PTPRB: variants seen among roughly 807,000 people sequenced by gnomAD.
The protein encoded by PTPRB is receptor-type tyrosine-protein phosphatase beta.
A neutral mutation model predicts 238.1 loss-of-function variants in PTPRB; 97 were observed. The ratio of observed to expected loss-of-function variants is 0.41; its 90% CI spans 0.35 to 0.48. The LOEUF is 0.48. Ranked by LOEUF, PTPRB falls within the 20% of genes least tolerant of loss-of-function variation. The pLI is 0.30. For synonymous variants in PTPRB, 970 were observed against 995.4 expected (o/e 0.97, Z 0.48); for missense variants, 2,292 against 2,681.9 (o/e 0.85, Z 3.21).
intron 32 of PTPRB, among the ~76,000 whole-genome samples, chr12:70,527,279 T>C (rs979598297): frequency 6.6e-6 from 1 of 152,158 alleles, no homozygotes; most frequent in African/African-American, 2.4e-5. Context: ...GCCATTAGGC[T>C]CACTTTGAGG....
intron 3 of PTPRB, among the ~76,000 whole-genome samples, chr12:70,614,419 T>A (rs1329096936): frequency 6.6e-6 from 1 of 152,136 alleles, no homozygotes; most frequent in Non-Finnish European, 1.5e-5. Flanking sequence ...TTAGAATGTA[T>A]TACTTAAGTG....
chr12:70,522,556 G>A (rs950969568), intron 33 of PTPRB: 1 of 152,152 alleles, frequency 6.6e-6, no homozygotes, highest in African/African-American at 2.4e-5. Flanking sequence ...TCTTCACGAT[G>A]GCCCAGAGTA....
At chr12:70,530,960 C>G (rs534631994) in intron 32 of PTPRB, among the ~76,000 whole-genome samples, 6 of 152,180 alleles carry the variant, frequency 3.9e-5, no homozygotes, top group Non-Finnish European at 8.8e-5. Flanking sequence ...TGAAAGTACT[C>G]CCAGCCCAGG....
chr12:70,521,278 A>G lies in PTPRB; in HGVS notation c.*211T>C. 2 of 417,190 alleles carry G rather than the reference A, an allele frequency of 4.8e-6. No individual in the cohort carries two copies. The highest frequency in any genetic ancestry group is 6.2e-4 in the Middle Eastern group (1 of 1,606). 25.8% of individuals were successfully genotyped at this position (417,190 alleles called of 1,614,324 possible). A position where few individuals can be genotyped will look rare whatever the true frequency, so the allele number is the denominator to read the frequency against. On this transcript the variant is annotated 3_prime_UTR_variant, in exon 34 of 34. Transcript: ENST00000334414. ...AGCTTAATATTAAACATTATGAAAA[A>G]TACATATTTACAGAAGAAACTACAA...
At chr12:70,609,372 C>A in intron 3 of PTPRB, 33 bp from the exon 4 acceptor site, 1 of 1,604,354 alleles carries the variant, frequency 6.2e-7, no homozygotes, top group Middle Eastern at 1.8e-4. Context: ...AGTTTAAGTC[C>A]ACAGTCTGGA....
chr12:70,580,905 CT>C (rs946005442), intron 10 of PTPRB, 130 bp downstream of exon 10: 49 of 1,024,752 alleles, frequency 4.8e-5, no homozygotes, highest in Admixed American at 1.2e-4. Flanking sequence ...GGATGGCTAG[CT>C]TTTGTGAAAC....
At position 70,532,046 on chromosome 12, in the gene PTPRB, C is replaced by T; in HGVS notation, c.6493G>A (p.Val2165Ile). The T allele has an allele frequency of 6.2e-7, 1 of 1,613,872 alleles. No homozygotes were observed. The highest frequency in any genetic ancestry group is 8.5e-7 in the Non-Finnish European group (1 of 1,179,874). The change falls in exon 32 of 34, where the codon GTC (valine) becomes ATC (isoleucine). Residue 2165 changes from valine (V) to isoleucine (I), a missense_variant. Transcript: ENST00000334414. ...TCTATAACTCTTACCTCAGTCTGGA[C>T]CATGTGAACCCTGTGAAGTCTTAGG... ...HDLRLHRVHM[V>I]QTECQYVYLH...
At chr12:70,630,611 A>C (rs1885408015) in intron 2 of PTPRB, among the ~76,000 whole-genome samples, 1 of 152,218 alleles carries the variant, frequency 6.6e-6, no homozygotes, top group African/African-American at 2.4e-5. Context: ...TTCGATTAGG[A>C]AAAGAGGAAA....
chr12:70,625,415 T>G (rs927949306), intron 2 of PTPRB, among the ~76,000 whole-genome samples: 1 of 152,148 alleles, frequency 6.6e-6, no homozygotes, highest in African/African-American at 2.4e-5. Flanking sequence ...CTAATATACA[T>G]GTACGTATAT....
chr12:70,635,921 C>T lies in PTPRB; in HGVS notation c.201G>A (p.Leu67=), dbSNP rs755710962. 1 of 1,613,762 alleles carries T rather than the reference C, an allele frequency of 6.2e-7. No individual in the cohort carries two copies. Among genetic ancestry groups the T allele is most frequent in the South Asian group, 1.1e-5 (1 of 91,034 alleles). ...GGGAAGAGTTGGAGATGGCCAAGCACAGTGCAGATTTAACATGAAGGAGCT... is the reference window on the plus strand; with the variant it reads ...GGGAAGAGTTGGAGATGGCCAAGCATAGTGCAGATTTAACATGAAGGAGCT... ...DEKLLHVKSA[L]CLAISNSSRG... is the part of the protein sequence containing the mutation. The change falls in exon 2 of 34, where the codon CTG becomes CTA. Residue 67 remains leucine (L), a synonymous_variant. Coordinates refer to ENST00000334414, the MANE Select transcript of PTPRB (RefSeq NM_001109754.4).
intron 14 of PTPRB, among the ~76,000 whole-genome samples, chr12:70,567,911 G>A (rs568963193): frequency 2.0e-5 from 3 of 152,134 alleles, no homozygotes; most frequent in Middle Eastern, 3.4e-3. Flanking sequence ...GGCTGGTCTC[G>A]AACTCCTGGA....
rs1400276568 is a variant in PTPRB at position 70,540,243 on chromosome 12, C to G, written c.5595-221G>C. 24 of 462,792 alleles carry G rather than the reference C, an allele frequency of 5.2e-5. No individual in the cohort carries two copies. In the East Asian group the frequency reaches 7.2e-4, roughly 14 times the overall value. 28.7% of individuals were successfully genotyped at this position (462,792 alleles called of 1,614,324 possible). A position where few individuals can be genotyped will look rare whatever the true frequency, so the allele number is the denominator to read the frequency against. On this transcript the variant is annotated intron_variant, in intron 23 of 33. Coordinates refer to ENST00000334414, the MANE Select transcript of PTPRB (RefSeq NM_001109754.4). ...CTCTGCAAAAACTGAAGATTTGTCT[C>G]CTGGTTTTTGGCTACAGGTTATAAT...
intron 32 of PTPRB, among the ~76,000 whole-genome samples, chr12:70,530,523 C>T (rs1158643687): frequency 1.3e-5 from 2 of 151,614 alleles, no homozygotes; most frequent in Non-Finnish European, 3.0e-5. Context: ...CACGTGTACA[C>T]ATACATATGT....
At chr12:70,576,333 C>T (rs1880680991) in intron 11 of PTPRB, 49 bp downstream of exon 11, 1 of 1,581,216 alleles carries the variant, frequency 6.3e-7, no homozygotes, top group African/African-American at 1.3e-5. Flanking sequence ...TGCCCTGAGC[C>T]ACATGTGAAT....
intron 3 of PTPRB, among the ~76,000 whole-genome samples, chr12:70,612,957 A>G (rs1884524887): frequency 6.6e-6 from 1 of 152,210 alleles, no homozygotes; most frequent in African/African-American, 2.4e-5. Context: ...ACTGCACTCC[A>G]GCCTCGGCAA....
At chr12:70,539,872 C>CTTTG (rs760495310) in intron 24 of PTPRB, 28 bp from the exon 25 acceptor site, 1 of 1,576,264 alleles carries the variant, frequency 6.3e-7, no homozygotes, top group South Asian at 1.1e-5. Context: ...AAGAGGAAGA[C>CTTTG]TTTGTTAGCA....
In PTPRB at chr12:70,520,878, A is replaced by G. The variant is rs1185080862; in HGVS notation, c.*611T>C. The G allele has an allele frequency of 1.3e-5, 2 of 152,512 alleles. No homozygotes were observed. The highest frequency in any genetic ancestry group is 3.9e-4 in the East Asian group (2 of 5,180). The allele number at this position is 152,512 out of a possible 1,614,324, so 9.4% of individuals were successfully genotyped here. A position where few individuals can be genotyped will look rare whatever the true frequency, so the allele number is the denominator to read the frequency against. On this transcript the variant is annotated 3_prime_UTR_variant, in exon 34 of 34. Coordinates refer to ENST00000334414, the MANE Select transcript of PTPRB (RefSeq NM_001109754.4). ...CTTTGGCTTGAATCCCTGGAAGGAG[A>G]AAGGAGAGAGAGAGCAACTAGTTCA...
At chr12:70,540,591 G>A in intron 23 of PTPRB, 1 of 378,620 alleles carries the variant, frequency 2.6e-6, no homozygotes, top group Non-Finnish European at 4.8e-6. Context: ...TTTTTTTCCT[G>A]TGCAAAAGGA....
Position 70,589,982 on chromosome 12 carries a change from G to GCTCAGAATT in PTPRB, c.2023_2031dup (p.Asn675_Glu677dup). 1.9e-6 allele frequency: 3 copies of GCTCAGAATT among 1,613,594 alleles called. No homozygotes were observed. The highest frequency in any genetic ancestry group is 2.5e-6 in the Non-Finnish European group (3 of 1,179,798). ...TGCCTACCTGTCCTGCCTTGGCAACGCTCAGAATTCTTCAAATTTCCACTC... is the reference window on the plus strand; with the variant it reads ...TGCCTACCTGTCCTGCCTTGGCAACGCTCAGAATTCTCAGAATTCTTCAAATTTCCACTC... On this transcript the variant is annotated inframe_insertion, in exon 8 of 34. Transcript: ENST00000334414.
Sources: gnomAD v4.1 joint callset for allele counts (sites outside exome capture counted in the v4.1 genomes callset) on GRCh38, gnomAD v4.1.1 for gene constraint, MANE v1.5 for transcripts, NCBI Gene and HGNC (gene_info 2026-07-23, HGNC 2026-07-21) for gene names.